The following FAT2 variants were observed in gnomAD, a reference collection of about 807,000 sequenced individuals.
FAT2 encodes the protein protocadherin Fat 2.
In FAT2, 150 loss-of-function variants were observed where a neutral mutation model predicts 295.3. The observed-to-expected ratio is 0.51, with a 90% confidence interval of 0.44 to 0.58. The LOEUF (loss-of-function observed/expected upper bound fraction) is 0.58, where lower values mean the gene tolerates loss of function less well. Ranked by LOEUF, FAT2 falls within the 20% of genes least tolerant of loss-of-function variation. FAT2 has a pLI of 0.00. For synonymous variants in FAT2, 2,026 were observed against 2,150.3 expected, an observed-to-expected ratio of 0.94 and a Z score of 1.60; for missense variants, 4,868 against 5,442.7, an observed-to-expected ratio of 0.89 and a Z score of 3.32.
In FAT2 at chr5:151,569,089, G is replaced by C. The variant is rs562242146; in HGVS notation, c.-20-138C>G. 8.3e-5 allele frequency: 67 copies of C among 809,564 alleles called. No homozygotes were observed. The Middle Eastern group carries it at 1.1e-3, about 13-fold the overall frequency. 50.1% of individuals were successfully genotyped at this position (809,564 alleles called of 1,614,324 possible). A position where few individuals can be genotyped will look rare whatever the true frequency, so the allele number is the denominator to read the frequency against. On this transcript the variant is annotated intron_variant, in intron 1 of 23. Transcript: ENST00000261800. ...AAGATACTTTTGGCTGACCCAGCTT[G>C]GGAGTGGTGGTGCTAATGGCATCTG...
intron 1 of FAT2, among the ~76,000 whole-genome samples, chr5:151,585,386 T>A (rs1759129477): frequency 6.6e-6 from 1 of 152,190 alleles, no homozygotes; most frequent in East Asian, 1.9e-4. Context: ...CCAAGGCAGG[T>A]TGGATCACTT....
rs182057216 is a variant in FAT2, at chr5:151,573,596, G to A, written c.-20-4645C>T. On this transcript the variant is annotated intron_variant, in intron 1 of 23. Transcript: ENST00000261800. ...TTGAACCAGGGAGTTGGAGGTTGCAGTGAGCCGAGATCGCGCCACTGCACT... is the reference window on the plus strand; with the variant it reads ...TTGAACCAGGGAGTTGGAGGTTGCAATGAGCCGAGATCGCGCCACTGCACT... 3.4e-4 allele frequency among the ~76,000 whole-genome samples: 52 copies of A among 152,356 alleles called. No homozygotes were observed. The East Asian group carries it at 9.8e-3, about 29-fold the overall frequency.
Position 151,531,867 on chromosome 5 carries a change from G to A in FAT2, c.9531C>T (p.Val3177=), listed in dbSNP as rs2127591773. 3 of 1,614,142 alleles carry A rather than the reference G, an allele frequency of 1.9e-6. No individual in the cohort carries two copies. The highest frequency in any genetic ancestry group is 2.5e-6 in the Non-Finnish European group (3 of 1,180,024). Residue 3177 remains valine (V), a synonymous_variant, in exon 14 of 24, where the codon GTC becomes GTT. Coordinates refer to ENST00000261800, the MANE Select transcript of FAT2 (RefSeq NM_001447.3). This position sits in a 1 kb window ranked among gnomAD's most constrained non-coding sequence, Gnocchi z 5.7. Reference sequence around the variant, plus strand: ...TGAGCTCCAGTGGTGCCTGGGGCCTGACCTGCAGCGGCTTTTCCAGGCGGA... The same window carrying A: ...TGAGCTCCAGTGGTGCCTGGGGCCTAACCTGCAGCGGCTTTTCCAGGCGGA... The part of the protein sequence containing the change: ...GVIRLEKPLQ[V]RPQAPLELTV...
rs1271442243 is a variant in FAT2 at position 151,584,891 on chromosome 5, AT to A, written c.-21+6273del. On this transcript the variant is annotated intron_variant, in intron 1 of 23. Coordinates refer to ENST00000261800, the MANE Select transcript of FAT2 (RefSeq NM_001447.3). ...CTTGAGCCCCCTTGGAGCTTAAAAA[AT>A]ATATATAGATTCCTGTCCTTCACCC... Among the ~76,000 whole-genome samples, 3 of 152,198 alleles carry A rather than the reference AT, an allele frequency of 2.0e-5. No individual in the cohort carries two copies. In the East Asian group the frequency reaches 5.8e-4, roughly 29 times the overall value.
intron 1 of FAT2, among the ~76,000 whole-genome samples, chr5:151,582,279 C>T (rs1051587883): frequency 6.6e-6 from 1 of 152,208 alleles, no homozygotes; most frequent in African/African-American, 2.4e-5. Flanking sequence ...TCTGTCCACA[C>T]ACACCGACTT....
rs760999550 is a variant in FAT2 at position 151,517,747 on chromosome 5, C to T, written c.11336G>A (p.Ser3779Asn). 6.2e-7 allele frequency: 1 copy of T among 1,614,100 alleles called. No homozygotes were observed. Reference protein sequence around the residue: ...CSCNGTATRFSGQSYVRYRAP... With the variant: ...CSCNGTATRFNGQSYVRYRAP... ...CCTGTACCGCACATAGCTCTGACCACTGAACCTTGTAGCAGTACCTGAGAA... is the reference window on the plus strand; with the variant it reads ...CCTGTACCGCACATAGCTCTGACCATTGAACCTTGTAGCAGTACCTGAGAA... Residue 3779 changes from serine (S) to asparagine (N), a missense_variant, in exon 20 of 24, where the codon AGT becomes AAT. Around this residue, in one of 5 missense-constraint regions of FAT2, gnomAD observed 1,046 missense variants for 1,210.1 expected, o/e 0.86. Transcript: ENST00000261800.
In FAT2 at chr5:151,583,621, GGTTA is replaced by G. The variant is rs1365299686; in HGVS notation, c.-21+7540_-21+7543del. 2.0e-5 allele frequency among the ~76,000 whole-genome samples: 3 copies of G among 152,208 alleles called. No homozygotes were observed. In the East Asian group the frequency reaches 5.8e-4, roughly 29 times the overall value. On this transcript the variant is annotated intron_variant, in intron 1 of 23. Coordinates refer to ENST00000261800, the MANE Select transcript of FAT2 (RefSeq NM_001447.3). ...TATTCTATTTATTAATCTGGGAGCT[GGTTA>G]GTTTCTGGAAAATTCATTGAGCTGT...
chr5:151,522,171 A>G (rs1019927972), intron 18 of FAT2, 85 bp from the exon 19 acceptor site: 1 of 1,128,506 alleles, frequency 8.9e-7, no homozygotes, highest in Admixed American at 2.8e-5. Flanking sequence ...TTGTGGAGCT[A>G]CGTTTCTCTG....
At position 151,542,478 on chromosome 5, in the gene FAT2, G is replaced by A. The variant is rs775420784; in HGVS notation, c.8649C>T (p.Thr2883=). ...FHVVAYDHGQ[T]IQLSSQALVQ... is the part of the protein sequence containing the mutation. ...CCAGGGCCTGAGAGGATAGCTGGATGGTCTGTCCGTGGTCATAGGCCACCA... is the reference window on the plus strand; with the variant it reads ...CCAGGGCCTGAGAGGATAGCTGGATAGTCTGTCCGTGGTCATAGGCCACCA... The change falls in exon 10 of 24, where the codon ACC becomes ACT. Residue 2883 remains threonine (T), a synonymous_variant. Transcript: ENST00000261800. The A allele has an allele frequency of 2.5e-5, 40 of 1,614,086 alleles. No individual in the cohort carries two copies. The South Asian group carries it at 4.0e-4, about 16-fold the overall frequency.
intron 19 of FAT2, 132 bp from the exon 20 acceptor site, chr5:151,517,897 G>T: frequency 8.9e-7 from 1 of 1,126,442 alleles, no homozygotes. Flanking sequence ...AAGAAACTAG[G>T]CTGGGTGTGG....
At chr5:151,534,701 G>T in intron 12 of FAT2, 59 bp from the exon 13 acceptor site, 1 of 1,453,028 alleles carries the variant, frequency 6.9e-7, no homozygotes, top group Non-Finnish European at 9.6e-7. Flanking sequence ...CCAAGCATGT[G>T]CCCTCTATAT....
In FAT2 at chr5:151,544,317, G is replaced by C. The variant is rs759658702; in HGVS notation, c.6810C>G (p.Pro2270=). The change falls in exon 10 of 24, where the codon CCC becomes CCG. Residue 2270 remains proline, a synonymous_variant. Transcript: ENST00000261800. ...VLVEDVNDNP[P]TFSQLVYTTS... Reference sequence around the variant, plus strand: ...TGGTATAGACCAATTGGGAAAAAGTGGGAGGGTTATCATTGACATCCTCCA... The same window carrying C: ...TGGTATAGACCAATTGGGAAAAAGTCGGAGGGTTATCATTGACATCCTCCA... The C allele has an allele frequency of 1.9e-6, 3 of 1,614,212 alleles. No homozygotes were observed. Among genetic ancestry groups the C allele is most frequent in the Non-Finnish European group, 1.7e-6 (2 of 1,180,038 alleles).
intron 13 of FAT2, 50 bp downstream of exon 13, chr5:151,534,359 A>G (rs747424705): frequency 4.1e-6 from 6 of 1,463,768 alleles, no homozygotes; most frequent in South Asian, 2.6e-5. Context: ...CCCTTGCCCA[A>G]GGTGACCCAG....
Position 151,542,349 on chromosome 5 carries a change from C to T in FAT2, c.8778G>A (p.Ala2926=), listed in dbSNP as rs374640362. The T allele has an allele frequency of 9.9e-6, 16 of 1,613,790 alleles. No individual in the cohort carries two copies. The highest frequency in any genetic ancestry group is 1.6e-4 in the Middle Eastern group (1 of 6,082). The change falls in exon 10 of 24, where the codon GCG becomes GCA. Residue 2926 remains alanine (A), a synonymous_variant. Transcript: ENST00000261800. Reference sequence around the variant, plus strand: ...TGTCAGCATCCAGGGTCTTTAGAGTCGCCACCAGTTCGCCAGGCTCACTGT... The same window carrying T: ...TGTCAGCATCCAGGGTCTTTAGAGTTGCCACCAGTTCGCCAGGCTCACTGT... The part of the protein sequence containing the change: ...VENSEPGELV[A]TLKTLDADIS...
chr5:151,505,223 A>G lies in FAT2; in HGVS notation c.*342T>C. 1 of 396,486 alleles carries G rather than the reference A, an allele frequency of 2.5e-6. No homozygotes were observed. The highest frequency in any genetic ancestry group is 2.8e-5 in the South Asian group (1 of 35,184). 24.6% of individuals were successfully genotyped at this position (396,486 alleles called of 1,614,324 possible). ...TTGGTGAAGTTGAGCCAGCACAGTC[A>G]ATCAGGCTCTGCCCCGGGGACTGAG... is the stretch of plus-strand genomic sequence containing the variant. On this transcript the variant is annotated 3_prime_UTR_variant, in exon 24 of 24. Transcript: ENST00000261800.
At chr5:151,563,707 C>T (rs2127642700) in intron 2 of FAT2, 68 bp from the exon 3 acceptor site, 2 of 1,305,002 alleles carry the variant, frequency 1.5e-6, no homozygotes, top group Non-Finnish European at 2.2e-6. Context: ...ATCACCCTTA[C>T]CCACCATTCC....
rs1181506543 is a variant in FAT2, at chr5:151,544,432, T to A, written c.6695A>T (p.Asp2232Val). The change falls in exon 10 of 24, where the codon GAC becomes GTC. Residue 2232 changes from aspartate (D) to valine (V), a missense_variant. Asp to Val is a radical substitution (Grantham distance 152). Transcript: ENST00000261800. Reference protein sequence around the residue: ...TGVLTVTGPLDYESKTKHVFT... With the variant: ...TGVLTVTGPLVYESKTKHVFT... ...CACATGTTTGGTCTTGGACTCATAG[T>A]CCAAAGGCCCTGTTACTGTTAGGAC... 1 of 1,614,066 alleles carries A rather than the reference T, an allele frequency of 6.2e-7. No individual in the cohort carries two copies. Among genetic ancestry groups the A allele is most frequent in the African/African-American group, 1.3e-5 (1 of 74,922 alleles).
Position 151,549,300 on chromosome 5 carries a change from A to C in FAT2, c.4784T>G (p.Leu1595Arg). The change falls in exon 9 of 24, where the codon CTG (leucine) becomes CGG (arginine). Residue 1595 changes from leucine to arginine, a missense_variant. Leu to Arg is a moderately radical substitution (Grantham distance 102). Transcript: ENST00000261800. ...GVNAEVHYSL[L>R]KGNSEGFFNI... ...CTCATGGCCAGGCCTCTCACCTTTC[A>C]GGAGGGAGTAGTGGACCTCAGCATT... The C allele has an allele frequency of 6.2e-7, 1 of 1,612,718 alleles. No homozygotes were observed. The highest frequency in any genetic ancestry group is 8.5e-7 in the Non-Finnish European group (1 of 1,179,876).
intron 1 of FAT2, among the ~76,000 whole-genome samples, chr5:151,588,478 C>G (rs553248778): frequency 6.6e-6 from 1 of 152,228 alleles, no homozygotes; most frequent in African/African-American, 2.4e-5. Context: ...TCTAAGCGCC[C>G]TTCCACTGGA....
Sources: allele counts gnomAD v4.1 joint callset (sites outside exome capture counted in the v4.1 genomes callset), GRCh38; gene constraint gnomAD v4.1.1; regional missense constraint gnomAD v4.1.1; non-coding constraint Gnocchi (gnomAD v3.1); transcripts MANE v1.5; gene names NCBI Gene and HGNC (gene_info 2026-07-23, HGNC 2026-07-21).